The following MACROD2 variants were observed in gnomAD, a reference collection of about 807,000 sequenced individuals.
The protein encoded by MACROD2 is mono-ADP ribosylhydrolase 2, also known as ADP-ribose glycohydrolase MACROD2.
MACROD2 carries 36 observed loss-of-function variants against 70.4 expected under a neutral mutation model. That is an observed-to-expected ratio of 0.51 (90% CI 0.39 to 0.68). The LOEUF is 0.68. Among genes scored for constraint, MACROD2 ranks in the 30% least tolerant of loss-of-function variants. The pLI is 0.00. For missense variants in MACROD2, 496 were observed against 538.4 expected, an observed-to-expected ratio of 0.92 and a Z score of 0.78; for synonymous variants, 172 against 178.8, an observed-to-expected ratio of 0.96 and a Z score of 0.30.
At chr20:15,698,655 C>T (rs2050411505) in intron 8 of MACROD2, among the ~76,000 whole-genome samples, 1 of 152,084 alleles carries the variant, frequency 6.6e-6, no homozygotes, top group Admixed American at 6.6e-5. Context: ...TTCAATTATT[C>T]CCCCAAATAC....
At chr20:15,695,023 T>C (rs1254417226) in intron 8 of MACROD2, among the ~76,000 whole-genome samples, 1 of 152,184 alleles carries the variant, frequency 6.6e-6, no homozygotes, top group Non-Finnish European at 1.5e-5. Context: ...AGTTCAGTTG[T>C]CTGTAACTAC....
chr20:14,567,539 G>T (rs1162674099), intron 4 of MACROD2, among the ~76,000 whole-genome samples: 1 of 151,994 alleles, frequency 6.6e-6, no homozygotes, highest in African/African-American at 2.4e-5. Context: ...ATGCTAGCAT[G>T]GCTATACTTG....
At chr20:14,390,244 A>AGAT (rs2083512247) in intron 3 of MACROD2, among the ~76,000 whole-genome samples, 2 of 152,326 alleles carry the variant, frequency 1.3e-5, no homozygotes, top group African/African-American at 4.8e-5. Flanking sequence ...AAGAAATCAG[A>AGAT]GATGACACGA....
intron 3 of MACROD2, among the ~76,000 whole-genome samples, chr20:14,272,833 G>A (rs1229522097): frequency 2.0e-5 from 3 of 152,042 alleles, no homozygotes; most frequent in Non-Finnish European, 4.4e-5. Context: ...AAAAAGGCAG[G>A]GGTTGCAATC....
intron 3 of MACROD2, among the ~76,000 whole-genome samples, chr20:14,281,604 T>C (rs1305547226): frequency 6.6e-6 from 1 of 152,128 alleles, no homozygotes; most frequent in Non-Finnish European, 1.5e-5. Context: ...TACTTTACAA[T>C]GGTGAATTTT....
At chr20:15,204,385 G>A (rs1378685681) in intron 5 of MACROD2, among the ~76,000 whole-genome samples, 1 of 152,076 alleles carries the variant, frequency 6.6e-6, no homozygotes, top group Non-Finnish European at 1.5e-5. Context: ...CGACGCTTGT[G>A]AATTCTAATA....
intron 10 of MACROD2, among the ~76,000 whole-genome samples, chr20:15,900,477 A>G (rs1250203555): frequency 6.6e-6 from 1 of 152,140 alleles, no homozygotes; most frequent in African/African-American, 2.4e-5. Flanking sequence ...CCAGTGGTCT[A>G]TTTTCATTTG....
chr20:14,876,318 G>GT (rs1475264621), intron 5 of MACROD2, among the ~76,000 whole-genome samples: 1 of 151,940 alleles, frequency 6.6e-6, no homozygotes, highest in African/African-American at 2.4e-5. Context: ...TAATAGGGTT[G>GT]TTTTTTGCCT....
chr20:16,006,043 A>G (rs1039716958), intron 15 of MACROD2, among the ~76,000 whole-genome samples: 2 of 152,204 alleles, frequency 1.3e-5, no homozygotes, highest in African/African-American at 2.4e-5. Flanking sequence ...AGCAATTTCA[A>G]TGAAGAGCTT....
intron 8 of MACROD2, among the ~76,000 whole-genome samples, chr20:15,557,357 G>A (rs151247426): frequency 6.6e-6 from 1 of 152,120 alleles, no homozygotes; most frequent in East Asian, 1.9e-4. Flanking sequence ...TACAGTTCCT[G>A]ATTCTATTAC....
chr20:15,048,972 A>T (rs1382098931), intron 5 of MACROD2, among the ~76,000 whole-genome samples: 1 of 152,148 alleles, frequency 6.6e-6, no homozygotes, highest in African/African-American at 2.4e-5. Flanking sequence ...TCTACTGGAT[A>T]AATGAACAGT....
At chr20:15,958,243 C>T (rs963704985) in intron 12 of MACROD2, among the ~76,000 whole-genome samples, 10 of 152,226 alleles carry the variant, frequency 6.6e-5, no homozygotes, top group South Asian at 2.1e-4. Context: ...ACATAGTGTC[C>T]GGCAAACAAA....
intron 3 of MACROD2, among the ~76,000 whole-genome samples, chr20:14,134,468 A>G (rs897706779): frequency 1.3e-5 from 2 of 152,170 alleles, no homozygotes; most frequent in Non-Finnish European, 2.9e-5. Flanking sequence ...ATATTGTTTT[A>G]TTTAACTAGA....
intron 5 of MACROD2, among the ~76,000 whole-genome samples, chr20:15,197,960 C>CTTTTTTTTTTTTTTTT (rs56284199): frequency 8.4e-6 from 1 of 118,714 alleles, no homozygotes; most frequent in Non-Finnish European, 1.7e-5. Context: ...GCCTGGCCTC[C>CTTTTTTTTTTTTTTTT]TTTTTTTTTT....
At chr20:15,274,955 G>A (rs994715879) in intron 6 of MACROD2, among the ~76,000 whole-genome samples, 32 of 152,198 alleles carry the variant, frequency 2.1e-4, no homozygotes, top group African/African-American at 7.5e-4. Context: ...GTGGGGTGGC[G>A]AGGCGTGAGG....
At chr20:14,965,272 A>G (rs1164769892) in intron 5 of MACROD2, among the ~76,000 whole-genome samples, 2 of 152,034 alleles carry the variant, frequency 1.3e-5, no homozygotes, top group South Asian at 2.1e-4. Context: ...TTGAAGTTAT[A>G]TATTCAATAT....
At chr20:15,951,347 ACAC>A (rs1188476922) in intron 12 of MACROD2, among the ~76,000 whole-genome samples, 2 of 150,934 alleles carry the variant, frequency 1.3e-5, no homozygotes, top group Admixed American at 6.6e-5. Context: ...ACACACACAC[ACAC>A]AAAGAGAGAG....
intron 3 of MACROD2, among the ~76,000 whole-genome samples, chr20:14,279,603 T>G (rs377571488): frequency 6.6e-6 from 1 of 152,334 alleles, no homozygotes. Flanking sequence ...TCAGAGAGGC[T>G]TGTAACTTCC....
intron 3 of MACROD2, among the ~76,000 whole-genome samples, chr20:14,379,913 A>G (rs2083405911): frequency 3.3e-5 from 5 of 152,138 alleles, no homozygotes; most frequent in Admixed American, 3.3e-4. Context: ...TAATGTGGCA[A>G]CGCACATTAT....
Sources: allele counts gnomAD v4.1 joint callset (sites outside exome capture counted in the v4.1 genomes callset), GRCh38; gene constraint gnomAD v4.1.1; transcripts MANE v1.5; gene names NCBI Gene and HGNC (gene_info 2026-07-23, HGNC 2026-07-21).